Variants in SMPD3 observed in about 807,000 individuals in gnomAD.
SMPD3 encodes sphingomyelin phosphodiesterase 3.
SMPD3 carries 21 observed loss-of-function variants against 55.7 expected under a neutral mutation model. The observed-to-expected ratio is 0.38, with a 90% confidence interval of 0.27 to 0.54. The LOEUF (loss-of-function observed/expected upper bound fraction) is 0.54. Among genes scored for constraint, SMPD3 ranks in the 20% least tolerant of loss-of-function variants. SMPD3 has a pLI of 0.80. For synonymous variants in SMPD3, 457 were observed against 404.3 expected (o/e 1.13, Z -1.56); for missense variants, 842 against 899.6 (o/e 0.94, Z 0.82).
chr16:68,427,996 G>A (rs1438744043), intron 1 of SMPD3, among the ~76,000 whole-genome samples: 2 of 151,986 alleles, frequency 1.3e-5, no homozygotes, highest in Non-Finnish European at 2.9e-5. Context: ...GCCACTTAGT[G>A]GATCTACCCA....
At chr16:68,433,087 A>G (rs2152030751) in intron 1 of SMPD3, among the ~76,000 whole-genome samples, 1 of 152,330 alleles carries the variant, frequency 6.6e-6, no homozygotes, top group Admixed American at 6.5e-5. Flanking sequence ...TACAGGCATG[A>G]GCCACCATGC....
rs147744091 is a variant in SMPD3 at position 68,405,827 on chromosome 16, G to C, written c.-268-19168C>G. On this transcript the variant is annotated intron_variant, in intron 1 of 8. Coordinates refer to ENST00000219334, the MANE Select transcript of SMPD3 (RefSeq NM_018667.4). ...CCCCCTCCTCACTGGGTACAATTCA[G>C]AGACTGATGTGGGTGCATGCACCTC... 1.6e-4 allele frequency among the ~76,000 whole-genome samples: 25 copies of C among 152,290 alleles called. No homozygotes were observed. The East Asian group carries it at 4.2e-3, about 26-fold the overall frequency.
intron 1 of SMPD3, among the ~76,000 whole-genome samples, chr16:68,443,892 T>G (rs1458118627): frequency 2.0e-5 from 3 of 152,226 alleles, no homozygotes; most frequent in Admixed American, 2.0e-4. Context: ...GGAACCTAAA[T>G]TCTTCCCCTT....
At chr16:68,389,687 G>A (rs2090094436) in intron 1 of SMPD3, among the ~76,000 whole-genome samples, 2 of 152,300 alleles carry the variant, frequency 1.3e-5, no homozygotes, top group East Asian at 1.9e-4. Context: ...CTGACTGTCA[G>A]TGTCAGACCT....
chr16:68,414,532 C>T (rs550423419), intron 1 of SMPD3, among the ~76,000 whole-genome samples: 1 of 152,302 alleles, frequency 6.6e-6, no homozygotes, highest in African/African-American at 2.4e-5. Flanking sequence ...AGTCAGATTT[C>T]CTGGTGGGAG....
chr16:68,414,555 G>A (rs569062716), intron 1 of SMPD3, among the ~76,000 whole-genome samples: 15 of 152,330 alleles, frequency 9.8e-5, no homozygotes, highest in African/African-American at 3.6e-4. Flanking sequence ...TCTGGGCCTG[G>A]GAGGCCTCTA....
At chr16:68,407,591 T>G (rs1200048485) in intron 1 of SMPD3, among the ~76,000 whole-genome samples, 1 of 152,180 alleles carries the variant, frequency 6.6e-6, no homozygotes, top group East Asian at 1.9e-4. Context: ...CGTCTCAGCC[T>G]CCCAAAGTGA....
intron 2 of SMPD3, among the ~76,000 whole-genome samples, chr16:68,375,017 T>C (rs2089774763): frequency 6.6e-6 from 1 of 152,276 alleles, no homozygotes; most frequent in Non-Finnish European, 1.5e-5. Flanking sequence ...CCCAATGTCA[T>C]GAAGCAGGCC....
chr16:68,363,706 G>T, intron 6 of SMPD3, 71 bp downstream of exon 6: 1 of 1,478,378 alleles, frequency 6.8e-7, no homozygotes, highest in Non-Finnish European at 9.2e-7. Context: ...TTGTGGGGTA[G>T]GTCCTGGTGA....
At position 68,370,828 on chromosome 16, in the gene SMPD3, G is replaced by C. The variant is rs556313602; in HGVS notation, c.1323+31C>G. Reference sequence around the variant, plus strand: ...ACATGGCTCTAGGACCAGCTGGCACGTGGTCCTCAGGCTGGGCCGAGGTCT... The same window carrying C: ...ACATGGCTCTAGGACCAGCTGGCACCTGGTCCTCAGGCTGGGCCGAGGTCT... On this transcript the variant is annotated intron_variant, in intron 3 of 8. Transcript: ENST00000219334. 2.5e-6 allele frequency: 4 copies of C among 1,610,204 alleles called. No homozygotes were observed. In the Admixed American group the frequency reaches 6.7e-5, roughly 27 times the overall value.
chr16:68,400,905 G>A (rs1319404177), intron 1 of SMPD3, among the ~76,000 whole-genome samples: 1 of 152,202 alleles, frequency 6.6e-6, no homozygotes, highest in African/African-American at 2.4e-5. Flanking sequence ...TCTTCTAAGT[G>A]GTGGTTTGTG....
chr16:68,392,352 CTAA>C (rs2090118711), intron 1 of SMPD3, among the ~76,000 whole-genome samples: 1 of 152,082 alleles, frequency 6.6e-6, no homozygotes, highest in South Asian at 2.1e-4. Context: ...CAACTGTAAG[CTAA>C]TGTGAGTGTT....
intron 1 of SMPD3, among the ~76,000 whole-genome samples, chr16:68,432,869 ATT>A (rs2090491195): frequency 6.6e-6 from 1 of 151,866 alleles, no homozygotes; most frequent in Non-Finnish European, 1.5e-5. Context: ...CAGTGGTGCG[ATT>A]ATGGCTCACT....
intron 1 of SMPD3, among the ~76,000 whole-genome samples, chr16:68,406,753 T>C (rs2090257502): frequency 6.6e-6 from 1 of 152,220 alleles, no homozygotes; most frequent in African/African-American, 2.4e-5. Flanking sequence ...CTTTATCATG[T>C]GCAAAATGTT....
At chr16:68,410,472 C>T (rs1226688884) in intron 1 of SMPD3, among the ~76,000 whole-genome samples, 14 of 152,178 alleles carry the variant, frequency 9.2e-5, no homozygotes, top group Admixed American at 9.2e-4. Context: ...GCTATTTGGG[C>T]AGTGGGGCTA....
chr16:68,432,570 T>C (rs1025967592), intron 1 of SMPD3, among the ~76,000 whole-genome samples: 15 of 152,336 alleles, frequency 9.8e-5, no homozygotes, highest in Middle Eastern at 3.4e-3. Context: ...CATCTCATCC[T>C]TACTTGTTTT....
At chr16:68,363,894 G>A in intron 5 of SMPD3, 28 bp from the exon 6 acceptor site, 1 of 1,539,166 alleles carries the variant, frequency 6.5e-7, no homozygotes, top group Non-Finnish European at 8.8e-7. Flanking sequence ...AAACGCTGAG[G>A]CACCAGGGGG....
intron 1 of SMPD3, among the ~76,000 whole-genome samples, chr16:68,414,407 T>C (rs970093013): frequency 6.6e-6 from 1 of 152,252 alleles, no homozygotes; most frequent in Admixed American, 6.5e-5. Flanking sequence ...GGCTCAATTA[T>C]GTGCAGTCCC....
chr16:68,393,690 T>C (rs2152006120), intron 1 of SMPD3, among the ~76,000 whole-genome samples: 1 of 152,358 alleles, frequency 6.6e-6, no homozygotes, highest in South Asian at 2.1e-4. Flanking sequence ...TCACTTATTC[T>C]TTCTTTCTTC....
Sources: gnomAD v4.1 joint callset for allele counts (sites outside exome capture counted in the v4.1 genomes callset) on GRCh38, gnomAD v4.1.1 for gene constraint, MANE v1.5 for transcripts, NCBI Gene and HGNC (gene_info 2026-07-23, HGNC 2026-07-21) for gene names.